The following DGLUCY variants were observed in gnomAD, a reference collection of about 807,000 sequenced individuals.
The protein encoded by DGLUCY is D-glutamate cyclase, also known as D-glutamate cyclase, mitochondrial.
Under a neutral mutation model 58.5 loss-of-function variants are expected in DGLUCY, and 58 were observed. The observed-to-expected ratio is 0.99, with a 90% CI of 0.80 to 1.23. The LOEUF is 1.23. DGLUCY is among the 50% of genes most tolerant of loss of function. The pLI is 0.00. For missense variants in DGLUCY, 779 were observed against 784.7 expected (o/e 0.99, Z 0.09); for synonymous variants, 325 against 314.1 (o/e 1.03, Z -0.37).
At chr14:91,093,966 A>G (rs2044352834) in intron 1 of DGLUCY, among the ~76,000 whole-genome samples, 1 of 152,134 alleles carries the variant, frequency 6.6e-6, no homozygotes, top group South Asian at 2.1e-4. Flanking sequence ...TGGAATGAGA[A>G]GTGACTGCTT....
In DGLUCY at chr14:91,225,003, C is replaced by T; in HGVS notation, c.*170C>T. Reference sequence around the variant, plus strand: ...GCCCACTTTCTGGGAGGGGTTAGTGCAGGTGCTGTGGACAAAGGACAACAT... The same window carrying T: ...GCCCACTTTCTGGGAGGGGTTAGTGTAGGTGCTGTGGACAAAGGACAACAT... On this transcript the variant is annotated 3_prime_UTR_variant, in exon 14 of 14. Transcript: ENST00000256324. 2 of 698,046 alleles carry T rather than the reference C, an allele frequency of 2.9e-6. No individual in the cohort carries two copies. The highest frequency in any genetic ancestry group is 3.5e-5 in the Admixed American group (1 of 28,406). The allele number at this position is 698,046 out of a possible 1,614,324, so 43.2% of individuals were successfully genotyped here.
Position 91,170,093 on chromosome 14 carries a change from C to CATGGT in DGLUCY, c.349_353dup (p.Ala119TrpfsTer55), listed in dbSNP as rs765670014. Reference sequence around the variant, plus strand: ...AGCAGTACTCGGAGCAGCTGAAGGACATGGTGGCCTTCTTCCTGGGCTGCA... The same window carrying CATGGT: ...AGCAGTACTCGGAGCAGCTGAAGGACATGGTATGGTGGCCTTCTTCCTGGGCTGCA... On this transcript the variant is annotated frameshift_variant, in exon 5 of 14. Coordinates refer to ENST00000256324, the MANE Select transcript of DGLUCY (RefSeq NM_001102368.3). LOFTEE classifies it high-confidence loss of function. The CATGGT allele has an allele frequency of 6.2e-7, 1 of 1,612,928 alleles. No homozygotes were observed. The highest frequency in any genetic ancestry group is 1.1e-5 in the South Asian group (1 of 91,028).
chr14:91,135,136 C>T (rs1209264561), intron 1 of DGLUCY, among the ~76,000 whole-genome samples: 1 of 151,908 alleles, frequency 6.6e-6, no homozygotes, highest in Non-Finnish European at 1.5e-5. Flanking sequence ...ATTTTCTAGG[C>T]TGGTCTTGAG....
intron 1 of DGLUCY, among the ~76,000 whole-genome samples, chr14:91,141,387 A>G (rs2046661780): frequency 6.6e-6 from 1 of 151,864 alleles, no homozygotes; most frequent in Admixed American, 6.6e-5. Flanking sequence ...AAAAAAAAGA[A>G]AAGGAAAAAA....
intron 3 of DGLUCY, among the ~76,000 whole-genome samples, chr14:91,164,295 G>C (rs2048156483): frequency 6.6e-6 from 1 of 152,116 alleles, no homozygotes; most frequent in Non-Finnish European, 1.5e-5. Context: ...CTTAATTTTA[G>C]AATATTGAGA....
intron 1 of DGLUCY, among the ~76,000 whole-genome samples, chr14:91,128,323 A>C (rs916496958): frequency 4.0e-5 from 6 of 151,472 alleles, no homozygotes; most frequent in African/African-American, 1.5e-4. Flanking sequence ...AAAAAAAAAA[A>C]AAAACCCACA....
At chr14:91,159,185 G>A (rs143313407) in intron 2 of DGLUCY, among the ~76,000 whole-genome samples, 416 of 150,412 alleles carry the variant, frequency 2.8e-3, no homozygotes, top group Non-Finnish European at 4.5e-3. Flanking sequence ...GGTGGCTCAC[G>A]CCTGTAATCC....
intron 1 of DGLUCY, among the ~76,000 whole-genome samples, chr14:91,081,621 T>C (rs2044129069): frequency 6.6e-6 from 1 of 152,210 alleles, no homozygotes; most frequent in Non-Finnish European, 1.5e-5. Context: ...TAGGGGAGAC[T>C]GCTTCCTTGC....
At chr14:91,090,739 A>G (rs2044297554) in intron 1 of DGLUCY, among the ~76,000 whole-genome samples, 1 of 152,228 alleles carries the variant, frequency 6.6e-6, no homozygotes, top group Non-Finnish European at 1.5e-5. Context: ...ACACTGAGGA[A>G]GATGCCTAAG....
At chr14:91,067,793 AC>A (rs1428046498) in intron 1 of DGLUCY, among the ~76,000 whole-genome samples, 1 of 152,062 alleles carries the variant, frequency 6.6e-6, no homozygotes, top group African/African-American at 2.4e-5. Context: ...CAAGCAATCC[AC>A]CCACCTCGGC....
intron 1 of DGLUCY, among the ~76,000 whole-genome samples, chr14:91,134,479 C>G (rs922142870): frequency 6.6e-6 from 1 of 151,696 alleles, no homozygotes; most frequent in Non-Finnish European, 1.5e-5. Context: ...CATCTGTCAC[C>G]CAGGCTGGAG....
At chr14:91,203,894 C>G (rs1184372852) in intron 11 of DGLUCY, among the ~76,000 whole-genome samples, 1 of 152,138 alleles carries the variant, frequency 6.6e-6, no homozygotes, top group East Asian at 1.9e-4. Context: ...CCAGACTGGT[C>G]TCGAACTCCT....
At chr14:91,132,107 G>A (rs1045615680) in intron 1 of DGLUCY, among the ~76,000 whole-genome samples, 2 of 152,186 alleles carry the variant, frequency 1.3e-5, no homozygotes, top group Admixed American at 6.5e-5. Flanking sequence ...TTTTACTTTT[G>A]TACCCACTTG....
chr14:91,129,994 A>C (rs2045940670), intron 1 of DGLUCY, among the ~76,000 whole-genome samples: 1 of 152,182 alleles, frequency 6.6e-6, no homozygotes, highest in Non-Finnish European at 1.5e-5. Context: ...AGGTAGCTGT[A>C]GTTTATTTTT....
chr14:91,061,717 T>G (rs977846646), intron 1 of DGLUCY, among the ~76,000 whole-genome samples: 3 of 152,138 alleles, frequency 2.0e-5, no homozygotes, highest in African/African-American at 7.2e-5. Flanking sequence ...AAGTGATTGA[T>G]AAGGTTAGAT....
chr14:91,159,042 G>T (rs2047825160), intron 2 of DGLUCY: 1 of 149,202 alleles, frequency 6.7e-6, no homozygotes, highest in Non-Finnish European at 1.5e-5. Flanking sequence ...TGTTGCCTGG[G>T]CATGTCTTGA....
At chr14:91,112,811 A>T (rs895584536), upstream of DGLUCY, among the ~76,000 whole-genome samples, 4 of 147,914 alleles carry the variant, frequency 2.7e-5, no homozygotes, top group African/African-American at 1.0e-4. Flanking sequence ...CGAGGTCAGG[A>T]GATTGACACC....
At chr14:91,164,028 C>T (rs2048136635) in intron 3 of DGLUCY, among the ~76,000 whole-genome samples, 1 of 152,162 alleles carries the variant, frequency 6.6e-6, no homozygotes, top group South Asian at 2.1e-4. Flanking sequence ...CGGCTCACTG[C>T]AGCCTCCATC....
At chr14:91,157,119 G>GTGGGTGGATGGA (rs1555398773) in intron 1 of DGLUCY, among the ~76,000 whole-genome samples, 10 of 131,052 alleles carry the variant, frequency 7.6e-5, no homozygotes, top group African/African-American at 2.8e-4. Flanking sequence ...GGATGGATGG[G>GTGGGTGGATGGA]TGGATGGATG....
Sources: allele counts gnomAD v4.1 joint callset (sites outside exome capture counted in the v4.1 genomes callset), GRCh38; gene constraint gnomAD v4.1.1; transcripts MANE v1.5; gene names NCBI Gene and HGNC (gene_info 2026-07-23, HGNC 2026-07-21).